Variants in WDR76 observed in about 807,000 individuals in gnomAD.
The protein encoded by WDR76 is WD repeat domain 76.
A neutral mutation model predicts 70.2 loss-of-function variants in WDR76; 52 were observed. The observed-to-expected ratio is 0.74, with a 90% CI of 0.59 to 0.93. WDR76 has a LOEUF of 0.93. WDR76 is among the 40% of genes least tolerant of loss of function. The pLI, the probability that WDR76 is intolerant of heterozygous loss-of-function variation, is 0.00. For synonymous variants in WDR76, 292 were observed against 271.1 expected (o/e 1.08, Z -0.76); for missense variants, 756 against 760.2 (o/e 0.99, Z 0.07).
Position 43,846,201 on chromosome 15 carries a change from G to T in WDR76, c.1032+2147G>T, listed in dbSNP as rs2087786282. ...GTTGAGAGAATAGCTTTGACAATGA[G>T]GTAAGTAAGGAACAAAGGCTTTAGG... On this transcript the variant is annotated intron_variant, in intron 8 of 12. Transcript: ENST00000263795. Among the ~76,000 whole-genome samples the T allele has an allele frequency of 2.7e-5, 4 of 149,440 alleles. 1 individual carries two copies. Among genetic ancestry groups the T allele is most frequent in the Non-Finnish European group, 6.0e-5 (4 of 66,682 alleles).
In WDR76 at chr15:43,828,111, C is replaced by G. The variant is rs1284341264; in HGVS notation, c.207C>G (p.Ser69=). 1.2e-6 allele frequency: 2 copies of G among 1,614,148 alleles called. No individual in the cohort carries two copies. The highest frequency in any genetic ancestry group is 3.3e-5 in the Admixed American group (2 of 60,010). ...YQLDQLMCPK[S]LSEKNSNNEV... ...TAGACCAGCTTATGTGCCCCAAATC[C>G]CTATCAGAAAAGAATTCTAACAATG... The change falls in exon 2 of 13, where the codon TCC becomes TCG. Residue 69 remains serine, a synonymous_variant. Coordinates refer to ENST00000263795, the MANE Select transcript of WDR76 (RefSeq NM_024908.4).
chr15:43,839,118 C>T (rs979431194), intron 4 of WDR76, among the ~76,000 whole-genome samples: 5 of 152,060 alleles, frequency 3.3e-5, no homozygotes, highest in Admixed American at 6.6e-5. Flanking sequence ...AAAAAGTAAA[C>T]TACAGTGTAT....
chr15:43,864,866 T>C (rs1388738447), intron 12 of WDR76, among the ~76,000 whole-genome samples: 1 of 152,174 alleles, frequency 6.6e-6, no homozygotes, highest in Non-Finnish European at 1.5e-5. Flanking sequence ...AGTGCTGGGA[T>C]TATAGGCATG....
chr15:43,858,087 C>A (rs2087952422), intron 10 of WDR76, among the ~76,000 whole-genome samples: 1 of 149,550 alleles, frequency 6.7e-6, no homozygotes, highest in Non-Finnish European at 1.5e-5. Context: ...CGTGCACTAC[C>A]ATACCTAGCT....
At chr15:43,836,533 T>G (rs2087658465) in intron 4 of WDR76, among the ~76,000 whole-genome samples, 1 of 152,214 alleles carries the variant, frequency 6.6e-6, no homozygotes, top group Non-Finnish European at 1.5e-5. Flanking sequence ...TTACTTTTAA[T>G]TTTTCTGGCT....
At chr15:43,835,985 C>T (rs1220938963) in intron 3 of WDR76, among the ~76,000 whole-genome samples, 176 bp from the exon 4 acceptor site, 7 of 149,804 alleles carry the variant, frequency 4.7e-5, no homozygotes, top group South Asian at 2.1e-4. Flanking sequence ...GACAGGGTCT[C>T]GCTGCGTTGC....
chr15:43,851,309 T>C (rs1289787981), intron 9 of WDR76, 64 bp downstream of exon 9: 1 of 1,581,140 alleles, frequency 6.3e-7, no homozygotes, highest in African/African-American at 1.3e-5. Flanking sequence ...AAATGCCACA[T>C]GAATAATTAT....
At chr15:43,835,186 G>T (rs1342357323) in intron 3 of WDR76, 36 bp downstream of exon 3, 1 of 1,591,194 alleles carries the variant, frequency 6.3e-7, no homozygotes. Flanking sequence ...AAGATGCAGG[G>T]CCGGGAACAG....
At chr15:43,836,046 A>G (rs948654745) in intron 3 of WDR76, 115 bp from the exon 4 acceptor site, 2 of 864,376 alleles carry the variant, frequency 2.3e-6, no homozygotes, top group Non-Finnish European at 3.3e-6. Context: ...TATCTTAAGG[A>G]TCTTTAGTTC....
intron 9 of WDR76, among the ~76,000 whole-genome samples, chr15:43,855,848 C>CAA (rs374594304): frequency 6.1e-4 from 68 of 110,994 alleles, no homozygotes; most frequent in Admixed American, 1.2e-3. Flanking sequence ...GACTCTGTCT[C>CAA]AAAAAAAAAA....
chr15:43,830,772 C>T (rs1374233285), intron 2 of WDR76, among the ~76,000 whole-genome samples: 7 of 151,902 alleles, frequency 4.6e-5, no homozygotes, highest in African/African-American at 1.7e-4. Context: ...TTAGGCCGGC[C>T]ATGGTGGTTC....
chr15:43,842,071 T>C (rs2087732022), intron 5 of WDR76, among the ~76,000 whole-genome samples: 2 of 152,148 alleles, frequency 1.3e-5, no homozygotes, highest in Admixed American at 1.3e-4. Flanking sequence ...TTTCACCATA[T>C]TGGCCAGGCT....
In WDR76 at chr15:43,828,165, G is replaced by T. The variant is rs766284931; in HGVS notation, c.261G>T (p.Lys87Asn). 2.7e-5 allele frequency: 43 copies of T among 1,613,806 alleles called. No homozygotes were observed. Among genetic ancestry groups the T allele is most frequent in the Non-Finnish European group, 3.6e-5 (42 of 1,179,982 alleles). Residue 87 changes from lysine (K) to asparagine (N), a missense_variant, in exon 2 of 13, where the codon AAG becomes AAT. Coordinates refer to ENST00000263795, the MANE Select transcript of WDR76 (RefSeq NM_024908.4). ...TGGCGTGTAAGAAGACTAAAATAAAGAAAACTTGCAGAAGGATTATACCTC... is the reference window on the plus strand; with the variant it reads ...TGGCGTGTAAGAAGACTAAAATAAATAAAACTTGCAGAAGGATTATACCTC... Reference protein sequence around the residue: ...NEVACKKTKIKKTCRRIIPPK... With the variant: ...NEVACKKTKINKTCRRIIPPK...
intron 2 of WDR76, among the ~76,000 whole-genome samples, chr15:43,831,640 A>G (rs1394492251): frequency 3.3e-5 from 5 of 151,598 alleles, no homozygotes; most frequent in Non-Finnish European, 7.4e-5. Flanking sequence ...GGGTTTCTCC[A>G]TGTTGGCCAG....
intron 6 of WDR76, 40 bp downstream of exon 6, chr15:43,842,556 T>A: frequency 6.3e-7 from 1 of 1,599,372 alleles, no homozygotes; most frequent in Non-Finnish European, 8.5e-7. Flanking sequence ...GAATCATCTG[T>A]TAAGGAAATA....
chr15:43,855,919 G>T (rs1294647809), intron 9 of WDR76, among the ~76,000 whole-genome samples: 1 of 151,658 alleles, frequency 6.6e-6, no homozygotes, highest in Non-Finnish European at 1.5e-5. Context: ...TCTGCCTGTT[G>T]TTCATTCCCA....
intron 12 of WDR76, among the ~76,000 whole-genome samples, chr15:43,862,597 C>T (rs953910050): frequency 6.6e-6 from 1 of 151,654 alleles, no homozygotes; most frequent in Non-Finnish European, 1.5e-5. Flanking sequence ...CAAGCTCCAC[C>T]TCCCTGGTTC....
chr15:43,866,413 A>C lies in WDR76; in HGVS notation c.*21A>C, dbSNP rs543588701. The C allele has an allele frequency of 3.7e-6, 6 of 1,610,836 alleles. No individual in the cohort carries two copies. The highest frequency in any genetic ancestry group is 5.1e-6 in the Non-Finnish European group (6 of 1,177,346). ...GCTGAGTTTTTGGTTTAGGAACATC[A>C]ATTTGTTCAAATTGACCACTGTCTA... is the stretch of plus-strand genomic sequence containing the variant. On this transcript the variant is annotated 3_prime_UTR_variant, in exon 13 of 13. Transcript: ENST00000263795.
chr15:43,830,082 G>T (rs928881453), intron 2 of WDR76, among the ~76,000 whole-genome samples: 1 of 150,812 alleles, frequency 6.6e-6, no homozygotes, highest in Admixed American at 6.7e-5. Context: ...GCCCAAGCTG[G>T]TCTTAAGCTC....
Sources: gnomAD v4.1 joint callset for allele counts (sites outside exome capture counted in the v4.1 genomes callset) on GRCh38, gnomAD v4.1.1 for gene constraint, MANE v1.5 for transcripts, NCBI Gene and HGNC (gene_info 2026-07-23, HGNC 2026-07-21) for gene names.